DNAH11: variants seen among roughly 807,000 people sequenced by gnomAD.
DNAH11 encodes the protein dynein axonemal heavy chain 11.
Under a neutral mutation model 526.0 loss-of-function variants are expected in DNAH11, and 442 were observed. The ratio of observed to expected loss-of-function variants is 0.84; its 90% confidence interval spans 0.78 to 0.91. The LOEUF (loss-of-function observed/expected upper bound fraction) is 0.91. Among genes scored for constraint, DNAH11 ranks in the 40% least tolerant of loss-of-function variants. DNAH11 has a pLI of 0.00. For synonymous variants in DNAH11, 2,461 were observed against 1,935.9 expected, an observed-to-expected ratio of 1.27 and a Z score of -7.12; for missense variants, 6,989 against 5,448.7, an observed-to-expected ratio of 1.28 and a Z score of -8.90.
rs1346548658 is a variant in DNAH11, at chr7:21,735,801, C to A, written c.7602C>A (p.Ser2534=). 2 of 1,613,528 alleles carry A rather than the reference C, an allele frequency of 1.2e-6. No homozygotes were observed. The highest frequency in any genetic ancestry group is 3.3e-4 in the Middle Eastern group (2 of 6,084). ...GTCTCTCTGAGGATTACATAGTATCCCGTGTGCCTTTCAACTACTACACGA... is the reference window on the plus strand; with the variant it reads ...GTCTCTCTGAGGATTACATAGTATCACGTGTGCCTTTCAACTACTACACGA... The part of the protein sequence containing the change: ...LASLSEDYIV[S]RVPFNYYTTS... The change falls in exon 46 of 82, where the codon TCC becomes TCA. Residue 2534 remains serine (S), a synonymous_variant. Transcript: ENST00000409508.
At chr7:21,890,303 A>G (rs542840165) in intron 76 of DNAH11, among the ~76,000 whole-genome samples, 1 of 152,260 alleles carries the variant, frequency 6.6e-6, no homozygotes, top group Admixed American at 6.5e-5. Context: ...TGCCTACCAT[A>G]TGGAAGGCAC....
rs556069022 is a variant in DNAH11 at position 21,575,049 on chromosome 7, A to G, written c.1593+3076A>G. 3.3e-5 allele frequency among the ~76,000 whole-genome samples: 5 copies of G among 151,046 alleles called. No individual in the cohort carries two copies. In the East Asian group the frequency reaches 9.8e-4, roughly 30 times the overall value. On this transcript the variant is annotated intron_variant, in intron 8 of 81. Coordinates refer to ENST00000409508, the MANE Select transcript of DNAH11 (RefSeq NM_001277115.2). Reference sequence around the variant, plus strand: ...GCCACCATGCCCAACTAACTTTTGTATTTTTAATAGAGATGGGGTTTTCCA... The same window carrying G: ...GCCACCATGCCCAACTAACTTTTGTGTTTTTAATAGAGATGGGGTTTTCCA...
At chr7:21,565,329 A>G (rs1422244955) in intron 6 of DNAH11, among the ~76,000 whole-genome samples, 1 of 152,056 alleles carries the variant, frequency 6.6e-6, no homozygotes, top group Non-Finnish European at 1.5e-5. Flanking sequence ...AATCACAGTT[A>G]CCTCCTAAAG....
At chr7:21,852,778 G>A in intron 67 of DNAH11, 147 bp downstream of exon 67, 1 of 767,848 alleles carries the variant, frequency 1.3e-6, no homozygotes, top group East Asian at 2.9e-5. Context: ...GTTGGACTGT[G>A]TGGGATTGTA....
chr7:21,745,047 G>A lies in DNAH11; in HGVS notation c.8494G>A (p.Asp2832Asn). The A allele has an allele frequency of 2.5e-6, 4 of 1,607,596 alleles. No homozygotes were observed. The highest frequency in any genetic ancestry group is 1.1e-5 in the South Asian group (1 of 89,504). Reference sequence around the variant, plus strand: ...TGCCATGCACCTAGTTTTGTTTGAAGATGCCATGCAACATGTGTGAGTTAA... The same window carrying A: ...TGCCATGCACCTAGTTTTGTTTGAAAATGCCATGCAACATGTGTGAGTTAA... Reference protein sequence around the residue: ...NAAMHLVLFEDAMQHVCRISR... With the variant: ...NAAMHLVLFENAMQHVCRISR... The change falls in exon 51 of 82, where the codon GAT (aspartate) becomes AAT (asparagine). Residue 2832 changes from aspartate to asparagine, a missense_variant. Coordinates refer to ENST00000409508, the MANE Select transcript of DNAH11 (RefSeq NM_001277115.2).
intron 2 of DNAH11, among the ~76,000 whole-genome samples, chr7:21,546,651 T>A (rs548753139): frequency 3.3e-4 from 50 of 152,268 alleles, no homozygotes; most frequent in Non-Finnish European, 6.3e-4. Context: ...GAGTGTATTA[T>A]ATATTTATAC....
At chr7:21,858,447 G>A (rs749773686) in intron 68 of DNAH11, among the ~76,000 whole-genome samples, 6 of 152,118 alleles carry the variant, frequency 3.9e-5, no homozygotes, top group Admixed American at 2.0e-4. Context: ...ATTCATAAAA[G>A]CCAAAGTCTA....
intron 81 of DNAH11, 87 bp downstream of exon 81, chr7:21,900,207 C>T (rs1562612925): frequency 5.1e-6 from 7 of 1,377,078 alleles, no homozygotes; most frequent in East Asian, 4.8e-5. Flanking sequence ...TTCTCAGCAT[C>T]TCCTCACTCA....
chr7:21,890,386 T>C (rs1384423114), intron 76 of DNAH11, among the ~76,000 whole-genome samples: 1 of 152,242 alleles, frequency 6.6e-6, no homozygotes. Context: ...CAGCAGTACA[T>C]GAGCACGCAT....
At position 21,900,122 on chromosome 7, in the gene DNAH11, T is replaced by TA; in HGVS notation, c.13303+4dup. 1 of 1,609,446 alleles carries TA rather than the reference T, an allele frequency of 6.2e-7. No individual in the cohort carries two copies. Among genetic ancestry groups the TA allele is most frequent in the African/African-American group, 1.3e-5 (1 of 74,774 alleles). On this transcript the variant is annotated splice_region_variant and intron_variant, in intron 81 of 81. Coordinates refer to ENST00000409508, the MANE Select transcript of DNAH11 (RefSeq NM_001277115.2). ...ACCTCCACGGACTCTTCATGGAGGG[T>TA]AAGACACCCCAAGGGGTAAGTGGGG...
intron 44 of DNAH11, 60 bp from the exon 45 acceptor site, chr7:21,725,751 C>CT (rs1410643531): frequency 1.1e-5 from 16 of 1,511,100 alleles, no homozygotes; most frequent in South Asian, 1.3e-5. Context: ...TAATTTGTTT[C>CT]TTTTTTTACA....
In DNAH11 at chr7:21,778,260, G is replaced by C. The variant is rs138797624; in HGVS notation, c.9337-698G>C. 3.7e-3 allele frequency among the ~76,000 whole-genome samples: 561 copies of C among 152,258 alleles called. 1 individual carries two copies. Among genetic ancestry groups the C allele is most frequent in the Non-Finnish European group, 5.8e-3 (392 of 68,010 alleles). Reference sequence around the variant, plus strand: ...CTGAGTTCTCCAAGAGCTGAGTAAGGTTATTTAGTGATGGACTGATGGGAG... The same window carrying C: ...CTGAGTTCTCCAAGAGCTGAGTAAGCTTATTTAGTGATGGACTGATGGGAG... On this transcript the variant is annotated intron_variant, in intron 56 of 81. Coordinates refer to ENST00000409508, the MANE Select transcript of DNAH11 (RefSeq NM_001277115.2).
At chr7:21,774,937 T>G (rs1452772547) in intron 56 of DNAH11, among the ~76,000 whole-genome samples, 2 of 152,130 alleles carry the variant, frequency 1.3e-5, no homozygotes, top group Non-Finnish European at 2.9e-5. Context: ...CTCATATGCT[T>G]TACAAGGATT....
chr7:21,778,648 A>T (rs1787790327), intron 56 of DNAH11, among the ~76,000 whole-genome samples: 2 of 152,208 alleles, frequency 1.3e-5, no homozygotes, highest in Non-Finnish European at 2.9e-5. Flanking sequence ...AGGACCCAAA[A>T]GCAGACGTGG....
chr7:21,593,289 C>T (rs755300038), intron 14 of DNAH11, among the ~76,000 whole-genome samples: 6 of 152,184 alleles, frequency 3.9e-5, no homozygotes, highest in East Asian at 3.9e-4. Flanking sequence ...TCTGGCAGCA[C>T]GGAAGTCATT....
chr7:21,702,636 C>A (rs1401231586), intron 36 of DNAH11, 74 bp from the exon 37 acceptor site: 2 of 1,294,936 alleles, frequency 1.5e-6, no homozygotes, highest in Non-Finnish European at 2.2e-6. Context: ...TAAAAACTTT[C>A]AGCTCTTACC....
intron 30 of DNAH11, among the ~76,000 whole-genome samples, chr7:21,669,543 C>T (rs981053686): frequency 6.6e-6 from 1 of 151,976 alleles, no homozygotes; most frequent in African/African-American, 2.4e-5. Context: ...ATGGACTACT[C>T]ATTTTCTTAA....
chr7:21,600,892 C>A lies in DNAH11; in HGVS notation c.3217C>A (p.Pro1073Thr), dbSNP rs1785058034. 2.5e-6 allele frequency: 4 copies of A among 1,613,862 alleles called. No individual in the cohort carries two copies. The highest frequency in any genetic ancestry group is 1.7e-4 in the Middle Eastern group (1 of 6,058). The change falls in exon 16 of 82, where the codon CCC becomes ACC. Residue 1073 changes from proline (P) to threonine (T), a missense_variant. Physicochemically the swap from Pro to Thr is conservative, Grantham distance 38. Transcript: ENST00000409508. ...GGATGCTCATGCAAATGAAGAAATT[C>A]CCGAACAACCACCAACTCTTGAGCA... Reference protein sequence around the residue: ...EMDAHANEEIPEQPPTLEQFK... With the variant: ...EMDAHANEEITEQPPTLEQFK...
Position 21,711,141 on chromosome 7 carries a change from T to A in DNAH11, c.6834+438T>A, listed in dbSNP as rs117062703. Among the ~76,000 whole-genome samples, 1,150 of 152,318 alleles carry A rather than the reference T, an allele frequency of 7.5e-3. 7 individuals carry two copies. The highest frequency in any genetic ancestry group is 0.017 in the Middle Eastern group (5 of 294). On this transcript the variant is annotated intron_variant, in intron 41 of 81. Coordinates refer to ENST00000409508, the MANE Select transcript of DNAH11 (RefSeq NM_001277115.2). ...CCCAAGCTTTTTTGCCACAGTTAAT[T>A]CAGCATTCCCAGCAAAAACAAAAGG...
Sources: allele counts gnomAD v4.1 joint callset (sites outside exome capture counted in the v4.1 genomes callset), GRCh38; gene constraint gnomAD v4.1.1; transcripts MANE v1.5; gene names NCBI Gene and HGNC (gene_info 2026-07-23, HGNC 2026-07-21).